KYAT3: variants seen among roughly 807,000 people sequenced by gnomAD.
KYAT3 encodes the protein kynurenine aminotransferase 3, also known as kynurenine--oxoglutarate transaminase 3.
A neutral mutation model predicts 59.0 loss-of-function variants in KYAT3; 50 were observed. The ratio of observed to expected loss-of-function variants is 0.85; its 90% CI spans 0.68 to 1.07. KYAT3 has a LOEUF of 1.07. Ranked by LOEUF, KYAT3 falls within the 50% of genes least tolerant of loss-of-function variation. KYAT3 has a pLI of 0.00. For synonymous variants in KYAT3, 148 were observed against 177.0 expected, an observed-to-expected ratio of 0.84 and a Z score of 1.30; for missense variants, 497 against 533.3, an observed-to-expected ratio of 0.93 and a Z score of 0.67.
intron 8 of KYAT3, among the ~76,000 whole-genome samples, chr1:88,956,851 T>C (rs12058417): frequency 0.031 from 4,797 of 152,316 alleles, 219 homozygotes; most frequent in African/African-American, 0.11. Context: ...CCACCCACAA[T>C]ACTGCTTTGT....
intron 11 of KYAT3, among the ~76,000 whole-genome samples, chr1:88,945,095 C>G (rs965726437): frequency 6.6e-6 from 1 of 152,064 alleles, no homozygotes; most frequent in Admixed American, 6.6e-5. Flanking sequence ...ACACCCGCCT[C>G]GGCCTCCCAA....
Position 88,936,094 on chromosome 1 carries a change from A to G in KYAT3, c.*89T>C. ...AATATTTAAATTCCAGTTGTACTGA[A>G]ATACCTTTTAACATCCAGCAGGTGG... On this transcript the variant is annotated 3_prime_UTR_variant, in exon 14 of 14. Transcript: ENST00000260508. 1 of 839,902 alleles carries G rather than the reference A, an allele frequency of 1.2e-6. No individual in the cohort carries two copies. The highest frequency in any genetic ancestry group is 1.9e-6 in the Non-Finnish European group (1 of 518,648). The allele number at this position is 839,902 out of a possible 1,614,324, so 52.0% of individuals were successfully genotyped here.
At chr1:88,922,150 T>C in the KYAT3 span, among the ~76,000 whole-genome samples, 51 of 152,218 alleles carry the variant, frequency 3.4e-4, 1 homozygote, top group Admixed American at 2.0e-3. Flanking sequence ...AGGTCAAGAC[T>C]GCAGTGAGCT....
At chr1:88,975,555 A>G (rs1676752155) in intron 2 of KYAT3, among the ~76,000 whole-genome samples, 1 of 152,234 alleles carries the variant, frequency 6.6e-6, no homozygotes, top group Non-Finnish European at 1.5e-5. Flanking sequence ...TTGTAACAAA[A>G]CTAATTATCA....
chr1:88,980,386 G>A (rs911679668), intron 2 of KYAT3: 1 of 151,574 alleles, frequency 6.6e-6, no homozygotes, highest in African/African-American at 2.4e-5. Context: ...ACCCGCCCAA[G>A]CAAGCCAACT....
intron 10 of KYAT3, among the ~76,000 whole-genome samples, chr1:88,951,288 G>A (rs1373825803): frequency 6.7e-6 from 1 of 150,322 alleles, no homozygotes; most frequent in Non-Finnish European, 1.5e-5. Context: ...AGGCTGGAGT[G>A]TAGTGACACG....
At chr1:88,983,085 G>A (rs1319755371) in intron 2 of KYAT3, 2 of 1,612,310 alleles carry the variant, frequency 1.2e-6, no homozygotes, top group African/African-American at 1.3e-5. Flanking sequence ...GAACTGGAAT[G>A]ACCATAATCA....
the KYAT3 span, among the ~76,000 whole-genome samples, chr1:88,928,699 G>A: frequency 5.9e-5 from 9 of 152,126 alleles, no homozygotes; most frequent in Non-Finnish European, 1.0e-4. Flanking sequence ...CACCCTCACA[G>A]AGCCCCAGGT....
intron 2 of KYAT3, chr1:88,982,699 A>G: frequency 6.2e-7 from 1 of 1,613,766 alleles, no homozygotes; most frequent in Admixed American, 1.7e-5. Context: ...GGCTTCCTCC[A>G]GGGCCAGCAC....
At position 88,937,905 on chromosome 1, in the gene KYAT3, C is replaced by T. The variant is rs180814683; in HGVS notation, c.1303-1660G>A. ...TGAAAGTCAAAGAAAACTGAGAAACCATTCTAGCTTGAAGGAGACATGACA... is the reference window on the plus strand; with the variant it reads ...TGAAAGTCAAAGAAAACTGAGAAACTATTCTAGCTTGAAGGAGACATGACA... On this transcript the variant is annotated intron_variant, in intron 13 of 13. Coordinates refer to ENST00000260508, the MANE Select transcript of KYAT3 (RefSeq NM_001008661.3). 5.3e-5 allele frequency among the ~76,000 whole-genome samples: 8 copies of T among 152,260 alleles called. No homozygotes were observed. In the East Asian group the frequency reaches 1.4e-3, roughly 26 times the overall value.
intron 13 of KYAT3, among the ~76,000 whole-genome samples, chr1:88,939,653 A>G (rs534953813): frequency 2.2e-4 from 34 of 152,152 alleles, no homozygotes; most frequent in Non-Finnish European, 4.4e-4. Flanking sequence ...CTCTGCATCA[A>G]TAATTTTTCT....
In KYAT3 at chr1:88,964,760, G is replaced by A. The variant is rs534269162; in HGVS notation, c.453+69C>T. 43 of 1,226,908 alleles carry A rather than the reference G, an allele frequency of 3.5e-5. 1 individual carries two copies. In the African/African-American group the frequency reaches 4.7e-4, roughly 13 times the overall value. 76.0% of individuals were successfully genotyped at this position (1,226,908 alleles called of 1,614,324 possible). ...AAAGAGAAAAGAGTAGAATATAAGC[G>A]AAAGATTCAAAGGTGGGACAAATGA... On this transcript the variant is annotated intron_variant, in intron 5 of 13. Coordinates refer to ENST00000260508, the MANE Select transcript of KYAT3 (RefSeq NM_001008661.3).
chr1:88,983,042 T>A, intron 2 of KYAT3: 1 of 1,612,688 alleles, frequency 6.2e-7, no homozygotes, highest in East Asian at 2.2e-5. Flanking sequence ...TCCATCTCTA[T>A]CGCCATAGCC....
At chr1:88,929,263 G>T in the KYAT3 span, among the ~76,000 whole-genome samples, 43 of 152,158 alleles carry the variant, frequency 2.8e-4, no homozygotes, top group African/African-American at 1.0e-3. Flanking sequence ...GAAACCCAAC[G>T]GACAGTGGAG....
chr1:88,924,556 C>T, the KYAT3 span, among the ~76,000 whole-genome samples: 43 of 152,340 alleles, frequency 2.8e-4, no homozygotes, highest in East Asian at 1.9e-4. Context: ...CCCCTCCCTT[C>T]GTATGAGAGC....
intron 2 of KYAT3, among the ~76,000 whole-genome samples, chr1:88,978,875 G>A (rs1323167701): frequency 3.3e-5 from 5 of 150,070 alleles, no homozygotes; most frequent in African/African-American, 4.9e-5. Flanking sequence ...TGCTGGACTC[G>A]AACTCCTGGC....
intron 2 of KYAT3, chr1:88,982,930 C>T (rs779992718): frequency 4.6e-5 from 75 of 1,613,862 alleles, no homozygotes; most frequent in Middle Eastern, 1.6e-4. Context: ...ATGGCGGGGG[C>T]CCTCGTGTAA....
intron 4 of KYAT3, 86 bp downstream of exon 4, chr1:88,968,584 A>G: frequency 9.1e-7 from 1 of 1,093,884 alleles, no homozygotes; most frequent in Non-Finnish European, 1.3e-6. Flanking sequence ...TTATATATGA[A>G]TGACAGAAGG....
chr1:88,977,994 T>C (rs1388494589), intron 2 of KYAT3, among the ~76,000 whole-genome samples: 1 of 152,174 alleles, frequency 6.6e-6, no homozygotes, highest in Non-Finnish European at 1.5e-5. Context: ...TTTGTGTAAG[T>C]GCACTCTATG....
Sources: gnomAD v4.1 joint callset for allele counts (sites outside exome capture counted in the v4.1 genomes callset) on GRCh38, gnomAD v4.1.1 for gene constraint, MANE v1.5 for transcripts, NCBI Gene and HGNC (gene_info 2026-07-23, HGNC 2026-07-21) for gene names.